The following UNC50 variants were observed in gnomAD, a reference collection of about 807,000 sequenced individuals.
UNC50 encodes unc-50 inner nuclear membrane RNA binding protein.
A neutral mutation model predicts 31.5 loss-of-function variants in UNC50; 24 were observed. The ratio of observed to expected loss-of-function variants is 0.76; its 90% confidence interval spans 0.55 to 1.07. The LOEUF is 1.07. UNC50 is among the 50% of genes least tolerant of loss of function. The pLI, the probability that UNC50 is intolerant of heterozygous loss-of-function variation, is 0.00. For missense variants in UNC50, 245 were observed against 304.2 expected, an observed-to-expected ratio of 0.81 and a Z score of 1.45; for synonymous variants, 118 against 114.7, an observed-to-expected ratio of 1.03 and a Z score of -0.18.
intron 3 of UNC50, among the ~76,000 whole-genome samples, chr2:98,614,542 G>C (rs72823799): frequency 7.2e-5 from 11 of 152,156 alleles, no homozygotes; most frequent in Non-Finnish European, 1.3e-4. Context: ...CCTCTGACTG[G>C]CGTTAATATG....
chr2:98,609,591 G>A, intron 1 of UNC50, 165 bp from the exon 2 acceptor site: 17 of 1,090,910 alleles, frequency 1.6e-5, no homozygotes, highest in Non-Finnish European at 2.2e-5. Context: ...CAAGCCCCAA[G>A]ACCCGCCTCA....
At chr2:98,615,709 GTCAAATACTTT>G (rs1700908660) in intron 3 of UNC50, among the ~76,000 whole-genome samples, 1 of 152,148 alleles carries the variant, frequency 6.6e-6, no homozygotes, top group Non-Finnish European at 1.5e-5. Flanking sequence ...AGGCATTTAA[GTCAAATACTTT>G]TCTCAGAACT....
At chr2:98,610,494 T>G (rs1025874484) in intron 2 of UNC50, among the ~76,000 whole-genome samples, 6 of 152,236 alleles carry the variant, frequency 3.9e-5, no homozygotes, top group African/African-American at 1.4e-4. Context: ...TAGGGTGTTT[T>G]GCACCTTAAC....
rs112774823 is a variant in UNC50 at position 98,616,498 on chromosome 2, G to A, written c.608G>A (p.Gly203Asp). The stretch of plus-strand genomic sequence containing the variant: ...AATACCTTATGGTTGGTTGCAGTTG[G>A]CTATTATATCTATGTAACTTTCCTG... ...VGNTLWLVAV[G>D]YYIYVTFLGY... The change falls in exon 5 of 6, where the codon GGC (glycine) becomes GAC (aspartate). Residue 203 changes from glycine to aspartate, a missense_variant. Transcript: ENST00000357765. The A allele has an allele frequency of 1.9e-6, 3 of 1,613,940 alleles. No individual in the cohort carries two copies. The highest frequency in any genetic ancestry group is 2.5e-6 in the Non-Finnish European group (3 of 1,179,920).
At position 98,616,310 on chromosome 2, in the gene UNC50, G is replaced by A; in HGVS notation, c.505G>A (p.Val169Ile). ...TCTCAATGCTTTTTATCCACTCCTG[G>A]TCATTTTGCATTTTATCCAGCTTTT... is the stretch of plus-strand genomic sequence containing the variant. The part of the protein sequence containing the change: ...VHLNAFYPLL[V>I]ILHFIQLFFI... The change falls in exon 4 of 6, where the codon GTC becomes ATC. Residue 169 changes from valine to isoleucine, a missense_variant. Val to Ile is a conservative substitution (Grantham distance 29). Coordinates refer to ENST00000357765, the MANE Select transcript of UNC50 (RefSeq NM_014044.7). The A allele has an allele frequency of 6.2e-7, 1 of 1,614,028 alleles. No homozygotes were observed. The highest frequency in any genetic ancestry group is 8.5e-7 in the Non-Finnish European group (1 of 1,179,984).
intron 3 of UNC50, among the ~76,000 whole-genome samples, chr2:98,612,410 CT>C (rs768688492): frequency 9.5e-4 from 138 of 145,126 alleles, no homozygotes; most frequent in East Asian, 1.4e-3. Flanking sequence ...TGATACCAGC[CT>C]TTTTTTTTTT....
chr2:98,615,870 C>T (rs1324949100), intron 3 of UNC50, among the ~76,000 whole-genome samples: 1 of 152,240 alleles, frequency 6.6e-6, no homozygotes, highest in African/African-American at 2.4e-5. Flanking sequence ...TGCTCCTTTT[C>T]TTTCAGACAC....
intron 3 of UNC50, among the ~76,000 whole-genome samples, chr2:98,612,735 C>T (rs1700856497): frequency 6.6e-6 from 1 of 152,190 alleles, no homozygotes; most frequent in African/African-American, 2.4e-5. Flanking sequence ...AGGCATAGTT[C>T]AGATATGCTA....
chr2:98,612,088 T>TA (rs1700843055), intron 3 of UNC50, among the ~76,000 whole-genome samples: 1 of 150,684 alleles, frequency 6.6e-6, no homozygotes, highest in African/African-American at 2.4e-5. Flanking sequence ...TTTGGTAAAG[T>TA]CCTCCTGTGT....
chr2:98,618,409 G>T lies in UNC50; in HGVS notation c.*105G>T. 7.7e-7 allele frequency: 1 copy of T among 1,291,456 alleles called. No individual in the cohort carries two copies. The highest frequency in any genetic ancestry group is 1.0e-6 in the Non-Finnish European group (1 of 992,250). The allele number at this position is 1,291,456 out of a possible 1,614,324, so 80.0% of individuals were successfully genotyped here. ...TATCATCTTTGTAGATATCTTAAAGGTGTAAAGTTTGCAAATTTGAAGAAA... is the reference window on the plus strand; with the variant it reads ...TATCATCTTTGTAGATATCTTAAAGTTGTAAAGTTTGCAAATTTGAAGAAA... On this transcript the variant is annotated 3_prime_UTR_variant, in exon 6 of 6. Transcript: ENST00000357765.
chr2:98,611,270 T>C (rs1700823776), intron 3 of UNC50, among the ~76,000 whole-genome samples: 1 of 152,156 alleles, frequency 6.6e-6, no homozygotes, highest in African/African-American at 2.4e-5. Context: ...TCTTATACAT[T>C]TTAGGGAGAC....
chr2:98,618,137 T>TAA lies in UNC50; in HGVS notation c.644-31_644-30insAA, dbSNP rs1553534062. 1.9e-4 allele frequency: 287 copies of TAA among 1,485,066 alleles called. No individual in the cohort carries two copies. The African/African-American group carries it at 3.7e-3, about 19-fold the overall frequency. The allele number at this position is 1,485,066 out of a possible 1,614,324, so 92.0% of individuals were successfully genotyped here. On this transcript the variant is annotated intron_variant, in intron 5 of 5. Transcript: ENST00000357765. The stretch of plus-strand genomic sequence containing the variant: ...ATTAGTCATTTATTTTTTTTTTTTT[T>TAA]TAAATCAGTTTGGATTCCTTTCTTT...
Position 98,618,256 on chromosome 2 carries a change from G to A in UNC50, c.732G>A (p.Trp244Ter). 1 of 1,612,276 alleles carries A rather than the reference G, an allele frequency of 6.2e-7. No homozygotes were observed. Among genetic ancestry groups the A allele is most frequent in the Non-Finnish European group, 8.5e-7 (1 of 1,179,284 alleles). ...ACGGGCTTTCCCTGGCACTGGGATG[G>A]AACTTCACCCATACTCTCTGTTCTT... is the stretch of plus-strand genomic sequence containing the variant. ...LLYGLSLALG[W>*]NFTHTLCSFY... The change falls in exon 6 of 6, where the codon TGG (tryptophan) becomes TGA (stop). Residue 244 changes from tryptophan (W) to a stop codon, truncating the protein, a stop_gained. Coordinates refer to ENST00000357765, the MANE Select transcript of UNC50 (RefSeq NM_014044.7). LOFTEE classifies it high-confidence loss of function.
chr2:98,617,331 C>T (rs372298336), intron 5 of UNC50, among the ~76,000 whole-genome samples: 2 of 152,308 alleles, frequency 1.3e-5, no homozygotes, highest in South Asian at 2.1e-4. Context: ...TTCTCTCCCC[C>T]CTTGGCTGGT....
rs1700755747 is a variant in UNC50 at position 98,608,679 on chromosome 2, G to A, written c.-52G>A. ...CGGCTGGGGTCGGCTGCTGGGAGGA[G>A]GTGGTGGGCTGGTTCGGACGTGGGT... On this transcript the variant is annotated 5_prime_UTR_variant, in exon 1 of 6. Transcript: ENST00000357765. The A allele has an allele frequency of 3.9e-6, 2 of 518,194 alleles. No individual in the cohort carries two copies. The highest frequency in any genetic ancestry group is 7.0e-5 in the East Asian group (2 of 28,616). 32.1% of individuals were successfully genotyped at this position (518,194 alleles called of 1,614,324 possible).
At position 98,610,885 on chromosome 2, in the gene UNC50, A is replaced by T. The variant is rs201120272; in HGVS notation, c.391A>T (p.Thr131Ser). 3.8e-5 allele frequency: 62 copies of T among 1,613,768 alleles called. No homozygotes were observed. Among genetic ancestry groups the T allele is most frequent in the Non-Finnish European group, 7.6e-6 (9 of 1,179,896 alleles). ...DCVGVGLLIA[T>S]LMWFISNKYL... ...TGTAGGCGTTGGTCTTCTGATAGCA[A>T]CTTTAATGTGGTAAGTACCATAACT... Residue 131 changes from threonine to serine, a missense_variant, in exon 3 of 6, where the codon ACT becomes TCT. Coordinates refer to ENST00000357765, the MANE Select transcript of UNC50 (RefSeq NM_014044.7).
intron 3 of UNC50, among the ~76,000 whole-genome samples, chr2:98,613,264 T>C (rs1700865697): frequency 6.6e-6 from 1 of 152,224 alleles, no homozygotes; most frequent in African/African-American, 2.4e-5. Context: ...GTTTTAAAAT[T>C]TCAATAAATA....
rs926673197 is a variant in UNC50 at position 98,608,648 on chromosome 2, C to G, written c.-83C>G. ...TCCGTTGAGGGAAGGGAAGCCCGCC[C>G]GGTGGCGGCTGGGGTCGGCTGCTGG... On this transcript the variant is annotated 5_prime_UTR_variant, in exon 1 of 6. Transcript: ENST00000357765. 4.5e-4 allele frequency: 252 copies of G among 561,778 alleles called. 2 individuals are homozygous for G. Among genetic ancestry groups the G allele is most frequent in the South Asian group, 1.9e-3 (96 of 49,854 alleles). 34.8% of individuals were successfully genotyped at this position (561,778 alleles called of 1,614,324 possible). A position where few individuals can be genotyped will look rare whatever the true frequency, so the allele number is the denominator to read the frequency against.
rs752976835 is a variant in UNC50 at position 98,618,302 on chromosome 2, T to TAA, written c.*2_*3dup. 24 of 1,588,622 alleles carry TAA rather than the reference T, an allele frequency of 1.5e-5. No homozygotes were observed. The highest frequency in any genetic ancestry group is 9.6e-5 in the African/African-American group (7 of 73,162). The stretch of plus-strand genomic sequence containing the variant: ...TTCTTTCTATAAGTACAGAGTGAAA[T>TAA]AAAAAGTGAGAAGAAGATTCAATCG... ...LCSFYKYRVK[*] The change falls in exon 6 of 6, where the codon TAA becomes TAAAA. Residue 260 remains the stop codon, a frameshift_variant and stop_retained_variant. Coordinates refer to ENST00000357765, the MANE Select transcript of UNC50 (RefSeq NM_014044.7). LOFTEE classifies it high-confidence loss of function.
Sources: gnomAD v4.1 joint callset for allele counts (sites outside exome capture counted in the v4.1 genomes callset) on GRCh38, gnomAD v4.1.1 for gene constraint, MANE v1.5 for transcripts, NCBI Gene and HGNC (gene_info 2026-07-23, HGNC 2026-07-21) for gene names.